The following REST variants were observed in gnomAD, a reference collection of about 807,000 sequenced individuals.
REST encodes the protein RE1-silencing transcription factor.
REST carries 1 observed loss-of-function variant against 30.4 expected under a neutral mutation model. That is an observed-to-expected ratio of 0.03 (90% CI 0.01 to 0.16). The LOEUF is 0.16. Ranked by LOEUF, REST falls within the 10% of genes least tolerant of loss-of-function variation. The pLI, the probability that REST is intolerant of heterozygous loss-of-function variation, is 1.00. For synonymous variants in REST, 504 were observed against 451.1 expected, an observed-to-expected ratio of 1.12 and a Z score of -1.49; for missense variants, 1,259 against 1,329.5, an observed-to-expected ratio of 0.95 and a Z score of 0.82.
intron 1 of REST, chr4:56,909,179 A>T (rs1719776547): frequency 6.6e-6 from 1 of 152,346 alleles, no homozygotes; most frequent in Admixed American, 6.5e-5. Flanking sequence ...GCGCAGGAAA[A>T]GGCTCAGGAC....
At chr4:56,929,819 CA>C (rs1289068726) in intron 3 of REST, 21 bp from the exon 4 acceptor site, 5 of 1,571,048 alleles carry the variant, frequency 3.2e-6, no homozygotes, top group Non-Finnish European at 4.3e-6. Context: ...TGTCTTCTCT[CA>C]TACTTTTGAT....
chr4:56,932,011 G>C lies in REST; in HGVS notation c.3153G>C (p.Leu1051Phe). The C allele has an allele frequency of 6.2e-7, 1 of 1,614,196 alleles. No individual in the cohort carries two copies. The highest frequency in any genetic ancestry group is 8.5e-7 in the Non-Finnish European group (1 of 1,180,020). Residue 1051 changes from leucine to phenylalanine, a missense_variant, in exon 4 of 4, where the codon TTG (leucine) becomes TTC (phenylalanine). Physicochemically the swap from Leu to Phe is conservative, Grantham distance 22. This residue lies in a region of REST where 856 missense variants were observed against 772.8 expected (regional missense o/e 1.11). Coordinates refer to ENST00000309042, the MANE Select transcript of REST (RefSeq NM_005612.5). ...ESSRKNAKEALAVKAAKGDFV... is the reference protein window; with the variant it reads ...ESSRKNAKEAFAVKAAKGDFV... ...GCAGAAAAAATGCAAAGGAAGCCTT[G>C]GCAGTCAAAGCGGCTAAGGGAGATT...
At chr4:56,922,135 A>G (rs969848047) in intron 3 of REST, among the ~76,000 whole-genome samples, 2 of 152,086 alleles carry the variant, frequency 1.3e-5, no homozygotes, top group African/African-American at 4.8e-5. Flanking sequence ...CCACTTAACC[A>G]GAAACCTGGT....
chr4:56,917,162 T>C (rs1053240088), intron 2 of REST, among the ~76,000 whole-genome samples: 1 of 152,226 alleles, frequency 6.6e-6, no homozygotes, highest in Non-Finnish European at 1.5e-5. Context: ...TAAATCTTTT[T>C]TTTACAGAAT....
chr4:56,928,670 C>T (rs1463054496), intron 3 of REST, among the ~76,000 whole-genome samples: 10 of 151,972 alleles, frequency 6.6e-5, no homozygotes, highest in Non-Finnish European at 1.3e-4. Flanking sequence ...ACTGCAACCT[C>T]CGCCTCCTGA....
rs1428417554 is a variant in REST at position 56,929,838 on chromosome 4, C to T, written c.983-3C>T. The T allele has an allele frequency of 6.3e-7, 1 of 1,584,044 alleles. No homozygotes were observed. Among genetic ancestry groups the T allele is most frequent in the East Asian group, 2.2e-5 (1 of 44,456 alleles). On this transcript the variant is annotated splice_region_variant and splice_polypyrimidine_tract_variant and intron_variant, in intron 3 of 3. Transcript: ENST00000309042. ...TTCTCTCATACTTTTGATTTGCCTT[C>T]AGGTGAGAAGCCATTTAAATGTGAT...
chr4:56,931,088 C>G lies in REST; in HGVS notation c.2230C>G (p.Pro744Ala). ...TCCCATGGAGGTGGTCCAGAAGGAG[C>G]CTGTTCAGATAGAGCTGTCTCCTCC... is the stretch of plus-strand genomic sequence containing the variant. ...SPPMEVVQKE[P>A]VQIELSPPME... Residue 744 changes from proline (P) to alanine (A), a missense_variant, in exon 4 of 4, where the codon CCT becomes GCT. By Grantham distance (27) the Pro-to-Ala change is conservative. Around this residue, in one of 5 missense-constraint regions of REST, gnomAD observed 856 missense variants for 772.8 expected, o/e 1.11. Transcript: ENST00000309042. 1 of 1,385,116 alleles carries G rather than the reference C, an allele frequency of 7.2e-7. No homozygotes were observed. Among genetic ancestry groups the G allele is most frequent in the Non-Finnish European group, 1.0e-6 (1 of 1,001,054 alleles). 85.8% of individuals were successfully genotyped at this position (1,385,116 alleles called of 1,614,324 possible).
At chr4:56,925,296 T>C (rs1720643799) in intron 3 of REST, among the ~76,000 whole-genome samples, 1 of 152,194 alleles carries the variant, frequency 6.6e-6, no homozygotes, top group Admixed American at 6.5e-5. Flanking sequence ...CACTGCGGCT[T>C]TAACCTCCTA....
chr4:56,916,863 T>G (rs889453615), intron 2 of REST, among the ~76,000 whole-genome samples: 1 of 152,216 alleles, frequency 6.6e-6, no homozygotes, highest in African/African-American at 2.4e-5. Context: ...TATGTTTTTG[T>G]TTCTTTTGGA....
Position 56,911,516 on chromosome 4 carries a change from A to G in REST, c.878A>G (p.Gln293Arg). ...YFSDRKNNYVQHVRTHTGERP... is the reference protein window; with the variant it reads ...YFSDRKNNYVRHVRTHTGERP... ...TCAGACAGAAAAAACAATTATGTTC[A>G]GCATGTTAGAACTCATACAGGTAAG... Residue 293 changes from glutamine to arginine, a missense_variant, in exon 2 of 4, where the codon CAG (glutamine) becomes CGG (arginine). Around this residue, in one of 5 missense-constraint regions of REST, gnomAD observed 125 missense variants for 255.4 expected, o/e 0.49. Coordinates refer to ENST00000309042, the MANE Select transcript of REST (RefSeq NM_005612.5). 1 of 1,613,596 alleles carries G rather than the reference A, an allele frequency of 6.2e-7. No homozygotes were observed. Among genetic ancestry groups the G allele is most frequent in the Non-Finnish European group, 8.5e-7 (1 of 1,179,602 alleles).
In REST at chr4:56,930,490, A is replaced by C; in HGVS notation, c.1632A>C (p.Lys544Asn). Residue 544 changes from lysine to asparagine, a missense_variant, in exon 4 of 4, where the codon AAA becomes AAC. Lys to Asn is a moderately conservative substitution (Grantham distance 94). Around this residue, in one of 5 missense-constraint regions of REST, gnomAD observed 856 missense variants for 772.8 expected, o/e 1.11. Transcript: ENST00000309042. Reference protein sequence around the residue: ...VNDEESSTKKKKKVESKSKNN... With the variant: ...VNDEESSTKKNKKVESKSKNN... ...ATGAGGAATCTTCAACAAAAAAGAA[A>C]AAGAAGGTAGAAAGCAAATCCAAAA... 3 of 1,612,202 alleles carry C rather than the reference A, an allele frequency of 1.9e-6. No individual in the cohort carries two copies. Among genetic ancestry groups the C allele is most frequent in the Non-Finnish European group, 2.5e-6 (3 of 1,179,634 alleles).
rs61748757 is a variant in REST at position 56,931,978 on chromosome 4, A to G, written c.3120A>G (p.Gln1040=). 26,026 of 1,614,240 alleles carry G rather than the reference A, an allele frequency of 0.016. 255 individuals carry two copies. The highest frequency in any genetic ancestry group is 0.019 in the Non-Finnish European group (22,969 of 1,180,032). Residue 1040 remains glutamine, a synonymous_variant, in exon 4 of 4, where the codon CAA becomes CAG. Transcript: ENST00000309042. ...SGLHGARPVP[Q]ESSRKNAKEA... ...TGCATGGGGCTCGGCCAGTTCCACA[A>G]GAATCTAGCAGAAAAAATGCAAAGG... is the stretch of plus-strand genomic sequence containing the variant.
At chr4:56,923,878 TGC>T (rs1720561707) in intron 3 of REST, among the ~76,000 whole-genome samples, 1 of 151,970 alleles carries the variant, frequency 6.6e-6, no homozygotes, top group Non-Finnish European at 1.5e-5. Context: ...CGTGCCACCA[TGC>T]CAGGCTAATT....
rs143519032 is a variant in REST, at chr4:56,920,605, A to G, written c.982+735A>G. Among the ~76,000 whole-genome samples the G allele has an allele frequency of 5.0e-3, 759 of 152,118 alleles. 6 individuals are homozygous for G. The highest frequency in any genetic ancestry group is 0.017 in the African/African-American group (716 of 41,496). The stretch of plus-strand genomic sequence containing the variant: ...TGGAGAAATCCTGTCTCTACTAAAA[A>G]TACAAAATTAGCCAGGCGTGGTGGC... On this transcript the variant is annotated intron_variant, in intron 3 of 3. Coordinates refer to ENST00000309042, the MANE Select transcript of REST (RefSeq NM_005612.5).
intron 2 of REST, among the ~76,000 whole-genome samples, chr4:56,913,929 C>A (rs1720049535): frequency 6.6e-6 from 1 of 152,084 alleles, no homozygotes. Flanking sequence ...CAGGCGTGAG[C>A]CACCGCGCCT....
rs1490637153 is a variant in REST, at chr4:56,934,216, A to T, written c.*2064A>T. 2 of 152,228 alleles carry T rather than the reference A, an allele frequency of 1.3e-5. No homozygotes were observed. The highest frequency in any genetic ancestry group is 4.8e-5 in the African/African-American group (2 of 41,468). The allele number at this position is 152,228 out of a possible 1,614,324, so 9.4% of individuals were successfully genotyped here. ...TTATAAAGCTAGTTAAGTCTTTCTA[A>T]TGACTAGTTTTAATGTTCATGGGTA... On this transcript the variant is annotated 3_prime_UTR_variant, in exon 4 of 4. Coordinates refer to ENST00000309042, the MANE Select transcript of REST (RefSeq NM_005612.5).
At chr4:56,913,380 A>G (rs1046539262) in intron 2 of REST, among the ~76,000 whole-genome samples, 7 of 152,174 alleles carry the variant, frequency 4.6e-5, no homozygotes, top group African/African-American at 1.7e-4. Context: ...TCATTTTTCA[A>G]ATAAATGTTT....
intron 3 of REST, among the ~76,000 whole-genome samples, chr4:56,929,362 A>T (rs1298413196): frequency 6.6e-6 from 1 of 152,064 alleles, no homozygotes; most frequent in Non-Finnish European, 1.5e-5. Context: ...TATTTTGCTC[A>T]GGTTGTTCTC....
At chr4:56,913,945 G>GT (rs892846363) in intron 2 of REST, among the ~76,000 whole-genome samples, 148 of 146,252 alleles carry the variant, frequency 1.0e-3, no homozygotes, top group South Asian at 8.1e-3. Context: ...CGCCTGGCCA[G>GT]TTTTTTTTTT....
Sources: allele counts gnomAD v4.1 joint callset (sites outside exome capture counted in the v4.1 genomes callset), GRCh38; gene constraint gnomAD v4.1.1; regional missense constraint gnomAD v4.1.1; transcripts MANE v1.5; gene names NCBI Gene and HGNC (gene_info 2026-07-23, HGNC 2026-07-21).